The following SOHLH1 variants were observed in gnomAD, a reference collection of about 807,000 sequenced individuals.
The protein encoded by SOHLH1 is spermatogenesis- and oogenesis-specific basic helix-loop-helix-containing protein 1.
Under a neutral mutation model 36.2 loss-of-function variants are expected in SOHLH1, and 23 were observed. The ratio of observed to expected loss-of-function variants is 0.64; its 90% CI spans 0.46 to 0.90. The LOEUF is 0.90. Among genes scored for constraint, SOHLH1 ranks in the 40% least tolerant of loss-of-function variants. The pLI is 0.00. For synonymous variants in SOHLH1, 289 were observed against 228.3 expected (o/e 1.27, Z -2.40); for missense variants, 608 against 517.0 (o/e 1.18, Z -1.71).
At chr9:135,698,675 G>A (rs1027951768) in intron 2 of SOHLH1, among the ~76,000 whole-genome samples, 199 bp from the exon 3 acceptor site, 2 of 152,180 alleles carry the variant, frequency 1.3e-5, no homozygotes, top group Admixed American at 1.3e-4. Flanking sequence ...CTGGACCTCG[G>A]CGACAGGCTG....
chr9:135,694,177 C>T (rs1233751223), intron 7 of SOHLH1: 1 of 1,438,472 alleles, frequency 7.0e-7, no homozygotes, highest in African/African-American at 1.4e-5. Context: ...GCAGGCTCGT[C>T]CACATCACGT....
At position 135,697,497 on chromosome 9, in the gene SOHLH1, G is replaced by A. The variant is rs1222831368; in HGVS notation, c.467+9C>T. The A allele has an allele frequency of 6.2e-7, 1 of 1,608,454 alleles. No homozygotes were observed. The highest frequency in any genetic ancestry group is 8.5e-7 in the Non-Finnish European group (1 of 1,178,768). Reference sequence around the variant, plus strand: ...CAGCCCTGGAGAGCGGGCCCCAGGAGACACTAACCGAGTCCCGCTGGACGC... The same window carrying A: ...CAGCCCTGGAGAGCGGGCCCCAGGAAACACTAACCGAGTCCCGCTGGACGC... On this transcript the variant is annotated intron_variant, in intron 4 of 7. Transcript: ENST00000425225.
intron 5 of SOHLH1, among the ~76,000 whole-genome samples, chr9:135,696,356 T>C (rs1474257003): frequency 4.6e-5 from 7 of 152,044 alleles, no homozygotes; most frequent in Non-Finnish European, 8.8e-5. Flanking sequence ...ATGGTGGCCT[T>C]TGCCCAGGAC....
At chr9:135,695,641 C>G (rs985500083) in intron 5 of SOHLH1, among the ~76,000 whole-genome samples, 4 of 152,110 alleles carry the variant, frequency 2.6e-5, no homozygotes, top group Non-Finnish European at 5.9e-5. Context: ...CCGGAGTGCC[C>G]TGATGACCCC....
chr9:135,699,523 G>A, upstream of SOHLH1: 2 of 1,560,650 alleles, frequency 1.3e-6, no homozygotes, highest in Admixed American at 1.8e-5. Flanking sequence ...AGGCAGCCCC[G>A]CCCCCTCACG....
chr9:135,695,467 T>C (rs971467751), intron 5 of SOHLH1, among the ~76,000 whole-genome samples: 36 of 151,810 alleles, frequency 2.4e-4, no homozygotes, highest in African/African-American at 8.2e-4. Context: ...CACCCAGAGG[T>C]GGGGTGCCCA....
chr9:135,699,568 A>G (rs1834960840), upstream of SOHLH1: 1 of 1,271,580 alleles, frequency 7.9e-7, no homozygotes, highest in Non-Finnish European at 1.1e-6. Flanking sequence ...CTTTCCACCT[A>G]GCCCACCCCA....
At chr9:135,696,868 C>T in intron 4 of SOHLH1, 63 bp from the exon 5 acceptor site, 1 of 1,551,570 alleles carries the variant, frequency 6.4e-7, no homozygotes, top group South Asian at 1.2e-5. Flanking sequence ...AGGCTGCCCC[C>T]ACCCACCCCA....
rs1183118384 is a variant in SOHLH1, at chr9:135,698,316, C to A, written c.345+13G>T. 2 of 1,612,948 alleles carry A rather than the reference C, an allele frequency of 1.2e-6. No homozygotes were observed. Among genetic ancestry groups the A allele is most frequent in the South Asian group, 1.1e-5 (1 of 91,076 alleles). ...ATGCCGGAGGACTGACGGCGTCTAC[C>A]CTTACAACTCACAGCGTGCTGCTCC... On this transcript the variant is annotated intron_variant, in intron 3 of 7. Transcript: ENST00000425225.
At position 135,693,956 on chromosome 9, in the gene SOHLH1, G is replaced by A. The variant is rs1478527334; in HGVS notation, c.947-142C>T. On this transcript the variant is annotated intron_variant, in intron 7 of 7. Transcript: ENST00000425225. The stretch of plus-strand genomic sequence containing the variant: ...CGCTGCACAGAGGCTGTGATGAGGT[G>A]GGTGAGCTCATACCTGGTGGCCCCA... The A allele has an allele frequency of 3.5e-6, 5 of 1,434,876 alleles. No individual in the cohort carries two copies. The South Asian group carries it at 4.5e-5, about 13-fold the overall frequency. 88.9% of individuals were successfully genotyped at this position (1,434,876 alleles called of 1,614,324 possible).
chr9:135,700,317 G>GC (rs1834987417), upstream of SOHLH1, among the ~76,000 whole-genome samples: 1 of 152,170 alleles, frequency 6.6e-6, no homozygotes, highest in Admixed American at 6.5e-5. Flanking sequence ...TCCAGGAGCC[G>GC]CCCTGCGCTG....
chr9:135,699,916 C>T (rs1027929836), upstream of SOHLH1, among the ~76,000 whole-genome samples: 2 of 151,964 alleles, frequency 1.3e-5, no homozygotes, highest in Non-Finnish European at 2.9e-5. Context: ...CCTGGGGGAC[C>T]CAGGGACACA....
At chr9:135,701,550 A>T (rs1052558907), upstream of SOHLH1, among the ~76,000 whole-genome samples, 1 of 152,172 alleles carries the variant, frequency 6.6e-6, no homozygotes, top group African/African-American at 2.4e-5. Flanking sequence ...TCTGCTTCCT[A>T]GTCTTTGGCC....
At chr9:135,694,313 C>T (rs1193233674) in intron 7 of SOHLH1, 74 bp downstream of exon 7, 6 of 1,608,978 alleles carry the variant, frequency 3.7e-6, no homozygotes, top group Non-Finnish European at 5.1e-6. Flanking sequence ...CACGCTAGGC[C>T]TGAGTCCCAA....
chr9:135,699,544 C>G, upstream of SOHLH1: 3 of 1,470,300 alleles, frequency 2.0e-6, no homozygotes, highest in Non-Finnish European at 2.8e-6. Flanking sequence ...TGTGCTCTGC[C>G]CACCTGCCAC....
upstream of SOHLH1, among the ~76,000 whole-genome samples, chr9:135,700,985 A>G (rs547154609): frequency 2.4e-4 from 37 of 152,334 alleles, no homozygotes; most frequent in South Asian, 2.1e-4. Context: ...CTAATTAATC[A>G]CAGATGCAGA....
intron 4 of SOHLH1, 131 bp downstream of exon 4, chr9:135,697,375 G>C: frequency 2.2e-6 from 3 of 1,344,832 alleles, no homozygotes; most frequent in South Asian, 1.2e-5. Flanking sequence ...CAGGGCCCTG[G>C]GCAGGTCACC....
chr9:135,694,204 A>G (rs949870497), intron 7 of SOHLH1, 183 bp downstream of exon 7: 9 of 1,447,902 alleles, frequency 6.2e-6, no homozygotes, highest in Admixed American at 2.6e-5. Flanking sequence ...ACACACTCAC[A>G]TATCACCTAT....
chr9:135,695,607 C>T (rs1048414052), intron 5 of SOHLH1, among the ~76,000 whole-genome samples: 3 of 152,162 alleles, frequency 2.0e-5, no homozygotes, highest in Non-Finnish European at 4.4e-5. Context: ...TCGCTCCCCA[C>T]GTGCCTGGCT....
Sources: allele counts gnomAD v4.1 joint callset (sites outside exome capture counted in the v4.1 genomes callset), GRCh38; gene constraint gnomAD v4.1.1; transcripts MANE v1.5; gene names NCBI Gene and HGNC (gene_info 2026-07-23, HGNC 2026-07-21).